Variants in POLK observed in about 807,000 individuals in gnomAD.
The protein encoded by POLK is polymerase (DNA directed) kappa.
A neutral mutation model predicts 94.0 loss-of-function variants in POLK; 76 were observed. The observed-to-expected ratio is 0.81, with a 90% CI of 0.67 to 0.98. The LOEUF is 0.98. Among genes scored for constraint, POLK ranks in the 50% least tolerant of loss-of-function variants. The pLI is 0.00. For missense variants in POLK, 954 were observed against 1,010.1 expected (o/e 0.94, Z 0.75); for synonymous variants, 349 against 325.4 (o/e 1.07, Z -0.78).
intron 10 of POLK, among the ~76,000 whole-genome samples, chr5:75,587,872 C>T (rs955511565): frequency 2.6e-5 from 4 of 152,044 alleles, no homozygotes; most frequent in African/African-American, 9.7e-5. Context: ...GCTGAGATGG[C>T]ACCACTCACT....
chr5:75,575,901 A>T (rs1408475123), intron 5 of POLK, among the ~76,000 whole-genome samples: 1 of 152,158 alleles, frequency 6.6e-6, no homozygotes, highest in Non-Finnish European at 1.5e-5. Flanking sequence ...AATTCAGCAA[A>T]TATGTTTTCT....
chr5:75,512,148 C>T, intron 1 of POLK: 1 of 221,622 alleles, frequency 4.5e-6, no homozygotes, highest in Non-Finnish European at 9.0e-6. Context: ...TGGCCGCTTC[C>T]GCCTCAACCA....
At chr5:75,580,569 G>A (rs1357049921) in intron 6 of POLK, 2 of 862,592 alleles carry the variant, frequency 2.3e-6, no homozygotes, top group Non-Finnish European at 2.8e-6. Flanking sequence ...TTCAGAATTT[G>A]TATATTCAAA....
chr5:75,586,122 G>A (rs548494776), intron 9 of POLK, among the ~76,000 whole-genome samples: 216 of 152,212 alleles, frequency 1.4e-3, no homozygotes, highest in African/African-American at 4.8e-3. Flanking sequence ...TAGTTCTGAT[G>A]TAACATAACA....
intron 1 of POLK, among the ~76,000 whole-genome samples, chr5:75,520,371 T>TA (rs1285147990): frequency 2.0e-5 from 3 of 152,176 alleles, no homozygotes; most frequent in South Asian, 2.1e-4. Flanking sequence ...TCTATGTACT[T>TA]ACCTTTACCA....
intron 6 of POLK, among the ~76,000 whole-genome samples, chr5:75,578,488 C>G (rs913386998): frequency 6.6e-6 from 1 of 152,180 alleles, no homozygotes; most frequent in African/African-American, 2.4e-5. Flanking sequence ...TTATAATGTC[C>G]AAACTCACTA....
At chr5:75,568,226 T>C (rs1468173937) in intron 3 of POLK, among the ~76,000 whole-genome samples, 2 of 152,212 alleles carry the variant, frequency 1.3e-5, no homozygotes, top group Non-Finnish European at 2.9e-5. Flanking sequence ...TAGTAATAGA[T>C]GTATTTATTG....
intron 1 of POLK, among the ~76,000 whole-genome samples, chr5:75,535,920 G>T (rs887391866): frequency 6.6e-6 from 1 of 152,048 alleles, no homozygotes; most frequent in Non-Finnish European, 1.5e-5. Context: ...AGTGATCTTT[G>T]TTCCTATCCA....
chr5:75,525,473 A>AG, intron 1 of POLK, among the ~76,000 whole-genome samples: 1 of 152,256 alleles, frequency 6.6e-6, no homozygotes, highest in South Asian at 2.1e-4. Flanking sequence ...ACCAATATGA[A>AG]GAAGAGTAAG....
intron 9 of POLK, among the ~76,000 whole-genome samples, chr5:75,585,889 A>G (rs765629964): frequency 5.1e-4 from 77 of 152,196 alleles, no homozygotes; most frequent in Non-Finnish European, 8.8e-4. Context: ...AATTAAGCCT[A>G]CTAAATTTTA....
chr5:75,533,162 G>C (rs1159417857), intron 1 of POLK, among the ~76,000 whole-genome samples: 1 of 152,124 alleles, frequency 6.6e-6, no homozygotes, highest in African/African-American at 2.4e-5. Context: ...CTTAGCCAAA[G>C]CCTATGTCCA....
intron 6 of POLK, among the ~76,000 whole-genome samples, chr5:75,578,738 G>C (rs1183681807): frequency 6.6e-6 from 1 of 152,160 alleles, no homozygotes; most frequent in African/African-American, 2.4e-5. Context: ...CCAAGACATT[G>C]TTTTGCTGTT....
chr5:75,527,011 T>C (rs1768891479), intron 1 of POLK, among the ~76,000 whole-genome samples: 1 of 152,222 alleles, frequency 6.6e-6, no homozygotes, highest in Non-Finnish European at 1.5e-5. Flanking sequence ...AGTTTTAATG[T>C]TCATAAGCAT....
intron 1 of POLK, among the ~76,000 whole-genome samples, chr5:75,530,792 A>G (rs948047887): frequency 1.4e-5 from 2 of 145,636 alleles, no homozygotes; most frequent in African/African-American, 5.1e-5. Context: ...CCCTCTTGAA[A>G]TTTTTTTCTT....
At chr5:75,544,392 A>C (rs1458797612) in intron 1 of POLK, among the ~76,000 whole-genome samples, 2 of 152,136 alleles carry the variant, frequency 1.3e-5, no homozygotes, top group African/African-American at 4.8e-5. Flanking sequence ...CAGGCCTGTA[A>C]TCTCAGCTCT....
At chr5:75,547,185 G>T in intron 2 of POLK, 28 bp downstream of exon 2, 1 of 1,326,284 alleles carries the variant, frequency 7.5e-7, no homozygotes. Flanking sequence ...TTTGATGTGT[G>T]TAATTTAATG....
At chr5:75,561,812 G>T (rs1209547011) in intron 3 of POLK, among the ~76,000 whole-genome samples, 2 of 152,112 alleles carry the variant, frequency 1.3e-5, no homozygotes, top group African/African-American at 4.8e-5. Context: ...AGATCAGATG[G>T]TTGTAGATAT....
At chr5:75,609,317 A>AC in the POLK span, 1 of 152,042 alleles carries the variant, frequency 6.6e-6, no homozygotes, top group Admixed American at 6.6e-5. Flanking sequence ...AGACTGGCAC[A>AC]CAGTGGCACA....
chr5:75,511,494 G>T, upstream of POLK: 1 of 1,493,138 alleles, frequency 6.7e-7, no homozygotes. Flanking sequence ...GCTGCCACCC[G>T]AACTTAGCCC....
Sources: allele counts gnomAD v4.1 joint callset (sites outside exome capture counted in the v4.1 genomes callset), GRCh38; gene constraint gnomAD v4.1.1; transcripts MANE v1.5; gene names NCBI Gene and HGNC (gene_info 2026-07-23, HGNC 2026-07-21).